PTCH1: variants seen among roughly 807,000 people sequenced by gnomAD.
The protein encoded by PTCH1 is patched 1.
In PTCH1, 14 loss-of-function variants were observed where a neutral mutation model predicts 144.6. That is an observed-to-expected ratio of 0.10 (90% CI 0.06 to 0.15). The LOEUF (loss-of-function observed/expected upper bound fraction) is 0.15, where lower values mean the gene tolerates loss of function less well. Among genes scored for constraint, PTCH1 ranks in the 10% least tolerant of loss-of-function variants. The pLI is 1.00. For synonymous variants in PTCH1, 833 were observed against 793.6 expected (o/e 1.05, Z -0.83); for missense variants, 1,623 against 1,948.3 (o/e 0.83, Z 3.14).
intron 3 of PTCH1, among the ~76,000 whole-genome samples, chr9:95,485,109 G>A (rs1841864629): frequency 6.6e-6 from 1 of 152,076 alleles, no homozygotes; most frequent in South Asian, 2.1e-4. Context: ...GGGAAGCTGA[G>A]GCATGAGAAT....
Position 95,508,185 on chromosome 9 carries a change from G to A in PTCH1, c.177C>T (p.Ala59=), listed in dbSNP as rs2118906638. The A allele has an allele frequency of 6.2e-7, 1 of 1,612,766 alleles. No individual in the cohort carries two copies. The highest frequency in any genetic ancestry group is 8.5e-7 in the Non-Finnish European group (1 of 1,179,778). ...CCTTGGAAATCTGCTCCAGAGCGAAGGCGGCGTCGCAGTAGCTGGGCCGGT... is the reference window on the plus strand; with the variant it reads ...CCTTGGAAATCTGCTCCAGAGCGAAAGCGGCGTCGCAGTAGCTGGGCCGGT... ...YLHRPSYCDA[A]FALEQISKGK... Residue 59 remains alanine (A), a synonymous_variant, in exon 1 of 24, where the codon GCC becomes GCT. Coordinates refer to ENST00000331920, the MANE Select transcript of PTCH1 (RefSeq NM_000264.5).
intron 2 of PTCH1, among the ~76,000 whole-genome samples, chr9:95,502,722 C>A (rs28687112): frequency 0.025 from 3,820 of 152,268 alleles, 144 homozygotes; most frequent in African/African-American, 0.085. Context: ...CACGCACACA[C>A]ACGCGCATGC....
intron 7 of PTCH1, 81 bp downstream of exon 7, chr9:95,479,888 T>C (rs375651979): frequency 2.4e-5 from 39 of 1,599,366 alleles, no homozygotes; most frequent in East Asian, 1.1e-4. Context: ...ACAAATACAC[T>C]TGCCGATGTC....
chr9:95,482,710 G>C (rs1220824042), intron 3 of PTCH1: 1 of 187,802 alleles, frequency 5.3e-6, no homozygotes, highest in Non-Finnish European at 1.1e-5. Context: ...TGCCAGGTGG[G>C]TCAAATTCTA....
chr9:95,480,429 T>A lies in PTCH1; in HGVS notation c.906A>T (p.Pro302=). 1 of 1,611,564 alleles carries A rather than the reference T, an allele frequency of 6.2e-7. No individual in the cohort carries two copies. The highest frequency in any genetic ancestry group is 8.5e-7 in the Non-Finnish European group (1 of 1,179,650). Residue 302 remains proline (P), a synonymous_variant, in exon 6 of 24, where the codon CCA becomes CCT. Coordinates refer to ENST00000331920, the MANE Select transcript of PTCH1 (RefSeq NM_000264.5). The part of the protein sequence containing the change: ...MDRPCLNPAD[P]DCPATAPNKN... ...TGTTGGGGGCTGTGGCGGGGCAGTC[T>A]GGATCGGCCGGATTGAGGCAGGGGC...
chr9:95,504,582 C>A (rs143180420), intron 2 of PTCH1, among the ~76,000 whole-genome samples: 2 of 152,062 alleles, frequency 1.3e-5, no homozygotes, highest in African/African-American at 4.8e-5. Context: ...GTCCAAGAAT[C>A]TACGGCAGCG....
rs369771223 is a variant in PTCH1 at position 95,449,210 on chromosome 9, G to C, written c.3663C>G (p.Ser1221=). 1.2e-5 allele frequency: 20 copies of C among 1,602,884 alleles called. No individual in the cohort carries two copies. The East Asian group carries it at 4.3e-4, about 34-fold the overall frequency. ...PGHTHSGSDS[S]DSEYSSQTTV... is the part of the protein sequence containing the mutation. ...TCGTCTGGGAACTATACTCCGAGTC[G>C]GAGGAATCAGACCCGCTGTGCGTGT... Residue 1221 remains serine, a synonymous_variant, in exon 22 of 24, where the codon TCC becomes TCG. Transcript: ENST00000331920. This position sits in a 1 kb window ranked among gnomAD's most constrained non-coding sequence, Gnocchi z 5.3.
intron 2 of PTCH1, among the ~76,000 whole-genome samples, chr9:95,495,960 T>C (rs550729899): frequency 4.1e-4 from 63 of 152,296 alleles, no homozygotes; most frequent in Middle Eastern, 6.8e-3. Context: ...GTGTGTTTTA[T>C]AGAGCAGTCC....
Position 95,476,238 on chromosome 9 carries a change from T to C in PTCH1, c.1603-79A>G. On this transcript the variant is annotated intron_variant, in intron 11 of 23. Coordinates refer to ENST00000331920, the MANE Select transcript of PTCH1 (RefSeq NM_000264.5). The surrounding 1 kb of genome is among the most constrained non-coding windows in gnomAD (Gnocchi z 4.6). The stretch of plus-strand genomic sequence containing the variant: ...AGCACAGACTGTGTGAGCAGATACG[T>C]GGCAGAATAACACAACTGTTATTAC... The C allele has an allele frequency of 1.3e-6, 2 of 1,551,408 alleles. No individual in the cohort carries two copies. The highest frequency in any genetic ancestry group is 2.3e-5 in the South Asian group (2 of 85,186).
At chr9:95,504,927 T>C (rs542503937) in intron 2 of PTCH1, among the ~76,000 whole-genome samples, 1 of 152,360 alleles carries the variant, frequency 6.6e-6, no homozygotes, top group East Asian at 1.9e-4. Context: ...AAGAAACTTG[T>C]TGCTAGGAGC....
chr9:95,463,310 A>G (rs559944486), intron 15 of PTCH1, among the ~76,000 whole-genome samples: 2 of 151,504 alleles, frequency 1.3e-5, no homozygotes, highest in East Asian at 3.9e-4. Flanking sequence ...CTAGAGGAAC[A>G]ATTTGGGGAT....
chr9:95,478,853 A>T, intron 8 of PTCH1, 147 bp downstream of exon 8: 2 of 1,254,870 alleles, frequency 1.6e-6, no homozygotes, highest in Non-Finnish European at 2.2e-6. Flanking sequence ...AATATCAAAG[A>T]AGAGGAAAAA....
intron 12 of PTCH1, chr9:95,473,995 C>T (rs779583539): frequency 1.4e-5 from 6 of 443,736 alleles, no homozygotes; most frequent in African/African-American, 2.0e-5. Flanking sequence ...TCATTTTTGT[C>T]TCTGTAAGGT....
In PTCH1 at chr9:95,508,238, C is replaced by A; in HGVS notation, c.124G>T (p.Ala42Ser). The change falls in exon 1 of 24, where the codon GCT becomes TCT. Residue 42 changes from alanine (A) to serine (S), a missense_variant. By Grantham distance (99) the Ala-to-Ser change is moderately conservative (BLOSUM62 1). Around this residue, in one of 7 missense-constraint regions of PTCH1, gnomAD observed 245 missense variants for 240.6 expected, o/e 1.02. Coordinates refer to ENST00000331920, the MANE Select transcript of PTCH1 (RefSeq NM_000264.5). ...RRRRTGGLRR[A>S]AAPDRDYLHR... ...AGATAGTCCCGGTCCGGCGCGGCAG[C>A]ACGGCGCAGCCCCCCCGTCCGTCTG... 6.2e-7 allele frequency: 1 copy of A among 1,608,626 alleles called. No homozygotes were observed. The highest frequency in any genetic ancestry group is 8.5e-7 in the Non-Finnish European group (1 of 1,178,942).
chr9:95,516,652 TGTC>T lies in PTCH1; in HGVS notation c.-184_-182del, dbSNP rs1404922896. On this transcript the variant is annotated 5_prime_UTR_variant, in exon 1 of 23. Transcript: ENST00000430669. ...TCGCTGCGGGTCTCTTTGTCTCCCC[TGTC>T]GTCTTTTTCTTCTCCTCCGTTTTCT... 5 of 1,612,240 alleles carry T rather than the reference TGTC, an allele frequency of 3.1e-6. No individual in the cohort carries two copies. In the Admixed American group the frequency reaches 6.7e-5, roughly 22 times the overall value.
In PTCH1 at chr9:95,474,022, T is replaced by C. The variant is rs79032709; in HGVS notation, c.1728+2012A>G. ...CTGTAAGGTGCTTACCTTGGGAGAA[T>C]TTAGCGCACTGGATTTTCTACAAGG... On this transcript the variant is annotated intron_variant, in intron 12 of 23. Transcript: ENST00000331920. 1,169 of 468,020 alleles carry C rather than the reference T, an allele frequency of 2.5e-3. 12 individuals are homozygous for C. The highest frequency in any genetic ancestry group is 0.021 in the African/African-American group (1,083 of 50,454). 29.0% of individuals were successfully genotyped at this position (468,020 alleles called of 1,614,324 possible).
chr9:95,458,438 C>T lies in PTCH1; in HGVS notation c.2888-145G>A. 3 of 1,076,496 alleles carry T rather than the reference C, an allele frequency of 2.8e-6. No homozygotes were observed. Among genetic ancestry groups the T allele is most frequent in the Non-Finnish European group, 4.1e-6 (3 of 728,370 alleles). 66.7% of individuals were successfully genotyped at this position (1,076,496 alleles called of 1,614,324 possible). Reference sequence around the variant, plus strand: ...GAACAAACAATGCTGATCATAGCCTCCAGGCCTTTACGATCTTCCCATTTG... The same window carrying T: ...GAACAAACAATGCTGATCATAGCCTTCAGGCCTTTACGATCTTCCCATTTG... On this transcript the variant is annotated intron_variant, in intron 17 of 23. Transcript: ENST00000331920. The surrounding 1 kb of genome is among the most constrained non-coding windows in gnomAD (Gnocchi z 4.7).
chr9:95,480,061 A>G lies in PTCH1; in HGVS notation c.975T>C (p.Gly325=), dbSNP rs149018937. ...KPLDMALVLN[G]GCHGLSRKYM... ...ACTTTCTGGATAAGCCATGACATCC[A>G]CCATTCAAAACAAGGGCCATATCAA... The change falls in exon 7 of 24, where the codon GGT becomes GGC. Residue 325 remains glycine, a synonymous_variant. Transcript: ENST00000331920. The G allele has an allele frequency of 2.2e-5, 36 of 1,614,014 alleles. No homozygotes were observed. The highest frequency in any genetic ancestry group is 2.7e-5 in the Non-Finnish European group (32 of 1,180,020).
At chr9:95,515,066 G>A (rs371742869) in intron 1 of PTCH1, among the ~76,000 whole-genome samples, 1 of 149,532 alleles carries the variant, frequency 6.7e-6, no homozygotes, top group Non-Finnish European at 1.5e-5. Context: ...CCATGCACCT[G>A]AGGCAACAAT....
Sources: gnomAD v4.1 joint callset for allele counts (sites outside exome capture counted in the v4.1 genomes callset) on GRCh38, gnomAD v4.1.1 for gene constraint, gnomAD v4.1.1 regional missense constraint, Gnocchi (gnomAD v3.1) non-coding constraint, MANE v1.5 for transcripts, NCBI Gene and HGNC (gene_info 2026-07-23, HGNC 2026-07-21) for gene names.